The following EXT1 variants were observed in gnomAD, a reference collection of about 807,000 sequenced individuals.
The protein encoded by EXT1 is exostosin glycosyltransferase 1.
A neutral mutation model predicts 82.5 loss-of-function variants in EXT1; 20 were observed. The ratio of observed to expected loss-of-function variants is 0.24; its 90% CI spans 0.17 to 0.35. The LOEUF (loss-of-function observed/expected upper bound fraction) is 0.35. Among genes scored for constraint, EXT1 ranks in the 10% least tolerant of loss-of-function variants. EXT1 has a pLI of 1.00. For missense variants in EXT1, 757 were observed against 936.5 expected, an observed-to-expected ratio of 0.81 and a Z score of 2.50; for synonymous variants, 348 against 350.8, an observed-to-expected ratio of 0.99 and a Z score of 0.09.
At chr8:118,035,473 C>T (rs1255216705) in intron 1 of EXT1, among the ~76,000 whole-genome samples, 1 of 151,900 alleles carries the variant, frequency 6.6e-6, no homozygotes, top group Non-Finnish European at 1.5e-5. Context: ...CAATCCTTGT[C>T]ATTTCTTTCT....
chr8:117,948,793 A>AT (rs1303473850), intron 1 of EXT1, among the ~76,000 whole-genome samples: 1 of 152,064 alleles, frequency 6.6e-6, no homozygotes, highest in Non-Finnish European at 1.5e-5. Context: ...CTTGGTCTTC[A>AT]TTTTTTCCCA....
At chr8:117,818,402 T>G (rs780954144) in intron 7 of EXT1, 33 bp downstream of exon 7, 2 of 1,582,962 alleles carry the variant, frequency 1.3e-6, no homozygotes, top group East Asian at 4.5e-5. Context: ...GGCTCCACAG[T>G]GGTTCCACAT....
At chr8:118,095,889 A>G (rs954246423) in intron 1 of EXT1, among the ~76,000 whole-genome samples, 1 of 152,282 alleles carries the variant, frequency 6.6e-6, no homozygotes, top group African/African-American at 2.4e-5. Context: ...AAACTAAACA[A>G]ACAAGCCACG....
At chr8:118,053,230 G>C (rs575686974) in intron 1 of EXT1, among the ~76,000 whole-genome samples, 2 of 152,162 alleles carry the variant, frequency 1.3e-5, no homozygotes, top group African/African-American at 4.8e-5. Flanking sequence ...CATTGAAATG[G>C]AGGTCGGTTC....
intron 1 of EXT1, among the ~76,000 whole-genome samples, chr8:118,009,711 A>AACTGTGC (rs1353606527): frequency 6.6e-6 from 1 of 152,166 alleles, no homozygotes; most frequent in Admixed American, 6.6e-5. Flanking sequence ...CCCTATTGTG[A>AACTGTGC]ACTGTGCACG....
At chr8:118,042,719 T>C (rs1466467252) in intron 1 of EXT1, among the ~76,000 whole-genome samples, 1 of 152,186 alleles carries the variant, frequency 6.6e-6, no homozygotes, top group African/African-American at 2.4e-5. Context: ...TATATCTCCA[T>C]TCATACTTAA....
chr8:118,095,699 T>G (rs1817599485), intron 1 of EXT1, among the ~76,000 whole-genome samples: 1 of 152,254 alleles, frequency 6.6e-6, no homozygotes, highest in Non-Finnish European at 1.5e-5. Context: ...ATGGCCTTCC[T>G]AATCTTTTGT....
intron 1 of EXT1, among the ~76,000 whole-genome samples, chr8:117,951,074 G>A (rs1814482205): frequency 6.6e-6 from 1 of 152,152 alleles, no homozygotes; most frequent in Non-Finnish European, 1.5e-5. Context: ...AATTGTATTT[G>A]AGATCATTTC....
chr8:117,830,557 C>T (rs902050916), intron 3 of EXT1, among the ~76,000 whole-genome samples: 17 of 152,162 alleles, frequency 1.1e-4, no homozygotes, highest in African/African-American at 4.1e-4. Context: ...ACCCCAATGG[C>T]CTTTGATGTA....
At chr8:117,972,912 C>T (rs1814971211) in intron 1 of EXT1, among the ~76,000 whole-genome samples, 1 of 152,140 alleles carries the variant, frequency 6.6e-6, no homozygotes, top group Admixed American at 6.5e-5. Context: ...AGATCCCTCC[C>T]ATGACACATG....
intron 1 of EXT1, among the ~76,000 whole-genome samples, chr8:118,005,500 A>G (rs544839975): frequency 1.2e-4 from 19 of 152,378 alleles, no homozygotes; most frequent in Non-Finnish European, 4.4e-5. Flanking sequence ...TTCACGTGCA[A>G]TTAGCTGACT....
At chr8:118,077,343 C>T (rs1416878398) in intron 1 of EXT1, among the ~76,000 whole-genome samples, 3 of 152,176 alleles carry the variant, frequency 2.0e-5, no homozygotes, top group Admixed American at 2.0e-4. Context: ...ATCAAATTCC[C>T]ACCAAAGGAG....
chr8:118,013,121 C>T (rs1474938164), intron 1 of EXT1, among the ~76,000 whole-genome samples: 1 of 151,942 alleles, frequency 6.6e-6, no homozygotes, highest in Non-Finnish European at 1.5e-5. Context: ...TGCACCTCAA[C>T]ATCCCAGGCT....
At chr8:117,893,713 G>A (rs1294642857) in intron 1 of EXT1, among the ~76,000 whole-genome samples, 1 of 152,160 alleles carries the variant, frequency 6.6e-6, no homozygotes, top group Non-Finnish European at 1.5e-5. Flanking sequence ...TGCCACTGTT[G>A]CTGTACTTCT....
chr8:118,092,757 G>A (rs1817545785), intron 1 of EXT1, among the ~76,000 whole-genome samples: 1 of 152,220 alleles, frequency 6.6e-6, no homozygotes, highest in South Asian at 2.1e-4. Context: ...AGCACCTGAT[G>A]ATGAGGCTGG....
chr8:117,938,459 C>T (rs1814211695), intron 1 of EXT1, among the ~76,000 whole-genome samples: 1 of 151,866 alleles, frequency 6.6e-6, no homozygotes, highest in African/African-American at 2.4e-5. Flanking sequence ...GAGACTCCAA[C>T]TCAAAAATAA....
intron 3 of EXT1, among the ~76,000 whole-genome samples, chr8:117,834,018 C>T (rs1395348011): frequency 6.6e-6 from 1 of 152,186 alleles, no homozygotes; most frequent in Admixed American, 6.5e-5. Flanking sequence ...AAACTCCAGA[C>T]CCCTTTCTCA....
At position 118,015,668 on chromosome 8, in the gene EXT1, G is replaced by A. The variant is rs113600860; in HGVS notation, c.962+94417C>T. ...AAAAGACGGCATCTAAACTAAGAAG[G>A]GGGTAATGCAGATGTTATGGGTGAA... On this transcript the variant is annotated intron_variant, in intron 1 of 10. Coordinates refer to ENST00000378204, the MANE Select transcript of EXT1 (RefSeq NM_000127.3). Among the ~76,000 whole-genome samples, 366 of 152,272 alleles carry A rather than the reference G, an allele frequency of 2.4e-3. 3 individuals carry two copies. Among genetic ancestry groups the A allele is most frequent in the South Asian group, 0.016 (79 of 4,820 alleles).
At chr8:117,801,504 A>T (rs1397540076) in intron 10 of EXT1, among the ~76,000 whole-genome samples, 1 of 150,392 alleles carries the variant, frequency 6.6e-6, no homozygotes, top group Admixed American at 6.6e-5. Flanking sequence ...TTTGTGGGCC[A>T]TTTTTTTTTC....
Sources: gnomAD v4.1 joint callset for allele counts (sites outside exome capture counted in the v4.1 genomes callset) on GRCh38, gnomAD v4.1.1 for gene constraint, MANE v1.5 for transcripts, NCBI Gene and HGNC (gene_info 2026-07-23, HGNC 2026-07-21) for gene names.